Variants in DLGAP2 observed in about 807,000 individuals in gnomAD.
DLGAP2 encodes the protein DLG associated protein 2, also known as disks large-associated protein 2.
DLGAP2 carries 26 observed loss-of-function variants against 100.3 expected under a neutral mutation model. The ratio of observed to expected loss-of-function variants is 0.26; its 90% CI spans 0.19 to 0.36. DLGAP2 has a LOEUF of 0.36. Among genes scored for constraint, DLGAP2 ranks in the 10% least tolerant of loss-of-function variants. The pLI is 1.00. For synonymous variants in DLGAP2, 886 were observed against 630.1 expected (o/e 1.41, Z -6.08); for missense variants, 1,858 against 1,453.2 (o/e 1.28, Z -4.53).
chr8:1,376,591 G>A (rs6988026), intron 3 of DLGAP2, among the ~76,000 whole-genome samples: 29,833 of 125,272 alleles, frequency 0.24, 5,437 homozygotes, highest in East Asian at 0.32. Flanking sequence ...AGGGGGAGCC[G>A]GGTGGCAGTG....
intron 2 of DLGAP2, among the ~76,000 whole-genome samples, chr8:986,368 G>T (rs1269378448): frequency 6.6e-6 from 1 of 152,152 alleles, no homozygotes; most frequent in Non-Finnish European, 1.5e-5. Context: ...TGTGCAGAAC[G>T]TGCAGGTTTA....
chr8:1,503,892 G>A (rs1178379301), intron 4 of DLGAP2, among the ~76,000 whole-genome samples: 1 of 152,166 alleles, frequency 6.6e-6, no homozygotes, highest in East Asian at 1.9e-4. Flanking sequence ...GTGGGTGGAG[G>A]ACTCTGGAGG....
At chr8:1,103,480 C>T (rs573634183) in intron 2 of DLGAP2, among the ~76,000 whole-genome samples, 46 of 139,284 alleles carry the variant, frequency 3.3e-4, no homozygotes, top group African/African-American at 1.1e-3. Context: ...TGATGACTGG[C>T]GGGGCCTTGG....
intron 2 of DLGAP2, among the ~76,000 whole-genome samples, chr8:1,238,575 G>A (rs1437282421): frequency 8.1e-5 from 6 of 74,150 alleles, no homozygotes; most frequent in Admixed American, 2.6e-4. Context: ...CTCCCATGGC[G>A]CCGTGTCTAG....
intron 1 of DLGAP2, among the ~76,000 whole-genome samples, chr8:798,979 T>C (rs1796093522): frequency 6.6e-6 from 1 of 152,254 alleles, no homozygotes; most frequent in Admixed American, 6.5e-5. Context: ...TGGAGTGTTT[T>C]TGTGTGTGTG....
chr8:1,206,749 C>G (rs186390302), intron 2 of DLGAP2, among the ~76,000 whole-genome samples: 13 of 152,330 alleles, frequency 8.5e-5, no homozygotes, highest in Admixed American at 8.5e-4. Context: ...AACTGGTCTT[C>G]CGGGCCCTGC....
At chr8:1,134,427 T>A (rs1796361407) in intron 2 of DLGAP2, among the ~76,000 whole-genome samples, 1 of 152,204 alleles carries the variant, frequency 6.6e-6, no homozygotes, top group African/African-American at 2.4e-5. Flanking sequence ...CCACAATGGT[T>A]GAGTAATTTA....
intron 3 of DLGAP2, among the ~76,000 whole-genome samples, chr8:1,389,982 G>A (rs536303065): frequency 3.7e-4 from 57 of 152,226 alleles, no homozygotes; most frequent in African/African-American, 1.2e-3. Flanking sequence ...AGGAGCAACC[G>A]CAGGCTCTCG....
At chr8:1,057,354 ATTAC>A (rs1375199443) in intron 2 of DLGAP2, among the ~76,000 whole-genome samples, 2 of 152,256 alleles carry the variant, frequency 1.3e-5, no homozygotes, top group African/African-American at 2.4e-5. Context: ...GAAAATTTGA[ATTAC>A]ATACAGTTCA....
chr8:742,549 C>T (rs1251364752), intron 1 of DLGAP2, among the ~76,000 whole-genome samples: 2 of 152,222 alleles, frequency 1.3e-5, no homozygotes, highest in Admixed American at 1.3e-4. Context: ...CCCTCTGTCA[C>T]CCAGGCGGGA....
At chr8:1,027,740 G>A (rs1296225013) in intron 2 of DLGAP2, among the ~76,000 whole-genome samples, 1 of 135,656 alleles carries the variant, frequency 7.4e-6, no homozygotes, top group Non-Finnish European at 1.6e-5. Flanking sequence ...CAGGTGGGGT[G>A]TCAGGCGCCC....
intron 7 of DLGAP2, among the ~76,000 whole-genome samples, chr8:1,628,371 A>G (rs190198982): frequency 0.011 from 1,193 of 109,410 alleles, 13 homozygotes; most frequent in African/African-American, 0.036. Flanking sequence ...AGCTTGAGCC[A>G]ACCTCACATT....
At chr8:1,352,418 T>C (rs1354756772) in intron 3 of DLGAP2, among the ~76,000 whole-genome samples, 1 of 152,170 alleles carries the variant, frequency 6.6e-6, no homozygotes, top group Non-Finnish European at 1.5e-5. Context: ...CGACTCTCCC[T>C]GTACCTGCCC....
At chr8:1,533,924 C>T (rs909219251) in intron 4 of DLGAP2, among the ~76,000 whole-genome samples, 1 of 152,148 alleles carries the variant, frequency 6.6e-6, no homozygotes, top group African/African-American at 2.4e-5. Context: ...CACTGCACTC[C>T]AGACTGGGCA....
At chr8:765,146 A>G (rs539501219) in intron 1 of DLGAP2, among the ~76,000 whole-genome samples, 9 of 152,332 alleles carry the variant, frequency 5.9e-5, no homozygotes, top group African/African-American at 2.2e-4. Flanking sequence ...CCCAGGTTTC[A>G]GGATGAGTTT....
chr8:1,596,235 G>A (rs1178093170), intron 6 of DLGAP2, among the ~76,000 whole-genome samples: 1 of 152,168 alleles, frequency 6.6e-6, no homozygotes, highest in African/African-American at 2.4e-5. Flanking sequence ...GTATTCCATG[G>A]TGTATATGTG....
At chr8:1,422,778 G>A (rs893466207) in intron 3 of DLGAP2, among the ~76,000 whole-genome samples, 2 of 152,114 alleles carry the variant, frequency 1.3e-5, no homozygotes, top group African/African-American at 2.4e-5. Context: ...TTCGTTAGCA[G>A]GGGAAAGGCT....
chr8:1,418,568 T>C (rs545074636), intron 3 of DLGAP2, among the ~76,000 whole-genome samples: 12 of 152,300 alleles, frequency 7.9e-5, no homozygotes, highest in Non-Finnish European at 1.6e-4. Context: ...TCTCTCTGCA[T>C]TCACACGACA....
chr8:1,568,469 C>T (rs1802507662), intron 6 of DLGAP2, among the ~76,000 whole-genome samples: 1 of 141,372 alleles, frequency 7.1e-6, no homozygotes, highest in African/African-American at 2.7e-5. Flanking sequence ...ACTGTCCACT[C>T]AGCAGACACA....
Sources: gnomAD v4.1 joint callset for allele counts (sites outside exome capture counted in the v4.1 genomes callset) on GRCh38, gnomAD v4.1.1 for gene constraint, MANE v1.5 for transcripts, NCBI Gene and HGNC (gene_info 2026-07-23, HGNC 2026-07-21) for gene names.